TTC33: variants seen among roughly 807,000 people sequenced by gnomAD.
TTC33 encodes the protein tetratricopeptide repeat protein 33.
A neutral mutation model predicts 29.4 loss-of-function variants in TTC33; 24 were observed. That is an observed-to-expected ratio of 0.82 (90% CI 0.59 to 1.15). The LOEUF is 1.15. Ranked by LOEUF, TTC33 falls within the 50% of genes most tolerant of loss-of-function variation. The pLI, the probability that TTC33 is intolerant of heterozygous loss-of-function variation, is 0.00. For synonymous variants in TTC33, 107 were observed against 100.3 expected (o/e 1.07, Z -0.40); for missense variants, 286 against 310.4 (o/e 0.92, Z 0.59).
intron 1 of TTC33, among the ~76,000 whole-genome samples, chr5:40,751,545 T>C (rs1261867311): frequency 6.6e-6 from 1 of 152,228 alleles, no homozygotes; most frequent in Middle Eastern, 3.2e-3. Context: ...CCCAGCTACA[T>C]TAGCCCTCAC....
intron 3 of TTC33, 120 bp from the exon 4 acceptor site, chr5:40,728,596 A>G (rs1742352255): frequency 1.1e-6 from 1 of 912,230 alleles, no homozygotes; most frequent in African/African-American, 1.7e-5. Flanking sequence ...CATTTCGGTG[A>G]TTTTTACCCC....
rs941173256 is a variant in TTC33 at position 40,715,421 on chromosome 5, T to C, written c.*724A>G. On this transcript the variant is annotated 3_prime_UTR_variant, in exon 5 of 5. Transcript: ENST00000337702. ...TATTTTAAAAATGACTCATTTGTGGTAAGGATTACTTACTGTAACAATTAA... is the reference window on the plus strand; with the variant it reads ...TATTTTAAAAATGACTCATTTGTGGCAAGGATTACTTACTGTAACAATTAA... 3 of 152,284 alleles carry C rather than the reference T, an allele frequency of 2.0e-5. No individual in the cohort carries two copies. The highest frequency in any genetic ancestry group is 4.4e-5 in the Non-Finnish European group (3 of 67,978). The allele number at this position is 152,284 out of a possible 1,614,324, so 9.4% of individuals were successfully genotyped here.
chr5:40,755,211 G>A (rs948755218), intron 1 of TTC33, among the ~76,000 whole-genome samples: 3 of 152,184 alleles, frequency 2.0e-5, no homozygotes, highest in Non-Finnish European at 4.4e-5. Context: ...CCGCCAGAGA[G>A]GGCTTGTCTT....
chr5:40,744,866 T>C (rs954237123), intron 2 of TTC33, among the ~76,000 whole-genome samples: 1 of 152,212 alleles, frequency 6.6e-6, no homozygotes, highest in African/African-American at 2.4e-5. Context: ...ACAATGTCTT[T>C]CTAATGGCTG....
intron 4 of TTC33, among the ~76,000 whole-genome samples, chr5:40,725,260 T>G (rs1742254742): frequency 6.6e-6 from 1 of 152,002 alleles, no homozygotes; most frequent in Non-Finnish European, 1.5e-5. Context: ...GTGCTGAGAT[T>G]ATACGCGTGA....
In TTC33 at chr5:40,712,968, C is replaced by A. The variant is rs1022742925; in HGVS notation, c.*3177G>T. Among the ~76,000 whole-genome samples the A allele has an allele frequency of 1.3e-5, 2 of 152,070 alleles. No homozygotes were observed. Among genetic ancestry groups the A allele is most frequent in the Admixed American group, 6.6e-5 (1 of 15,242 alleles). ...AGGTAAATGACTTTAGGGATAACCT[C>A]CTTTATTTCATTTTATTTCTGTTTT... On this transcript the variant is annotated 3_prime_UTR_variant, in exon 5 of 5. Coordinates refer to ENST00000337702, the MANE Select transcript of TTC33 (RefSeq NM_012382.3).
At chr5:40,738,494 CAATACAATACAATAA>C (rs1561151161) in intron 2 of TTC33, among the ~76,000 whole-genome samples, 8 of 87,750 alleles carry the variant, frequency 9.1e-5, no homozygotes, top group African/African-American at 1.9e-4. Context: ...CAATACAATA[CAATACAATACAATAA>C]AATACAATAA....
intron 2 of TTC33, among the ~76,000 whole-genome samples, chr5:40,738,263 T>C (rs1742598244): frequency 6.6e-6 from 1 of 151,474 alleles, no homozygotes; most frequent in African/African-American, 2.4e-5. Flanking sequence ...AATTCAAAAA[T>C]TAGCCAGGCA....
At position 40,716,402 on chromosome 5, in the gene TTC33, G is replaced by C. The variant is rs776913276; in HGVS notation, c.532C>G (p.Gln178Glu). 6.8e-6 allele frequency: 11 copies of C among 1,613,798 alleles called. No individual in the cohort carries two copies. Among genetic ancestry groups the C allele is most frequent in the African/African-American group, 1.3e-5 (1 of 74,910 alleles). ...TTTTTAATCCTCTGTGCTACCTTCTGCTGCTCCTGGAGCGTTCTTGCCCAA... is the reference window on the plus strand; with the variant it reads ...TTTTTAATCCTCTGTGCTACCTTCTCCTGCTCCTGGAGCGTTCTTGCCCAA... The part of the protein sequence containing the change: ...LSWARTLQEQ[Q>E]KVAQRIKKSE... Residue 178 changes from glutamine (Q) to glutamate (E), a missense_variant, in exon 5 of 5, where the codon CAG becomes GAG. Physicochemically the swap from Gln to Glu is conservative, Grantham distance 29 (BLOSUM62 2). Coordinates refer to ENST00000337702, the MANE Select transcript of TTC33 (RefSeq NM_012382.3).
At chr5:40,737,531 A>G (rs895278393) in intron 2 of TTC33, among the ~76,000 whole-genome samples, 4 of 152,238 alleles carry the variant, frequency 2.6e-5, no homozygotes, top group African/African-American at 9.6e-5. Flanking sequence ...ACGAATATAG[A>G]ATTATTTTAC....
At chr5:40,739,898 T>C (rs904714022) in intron 2 of TTC33, among the ~76,000 whole-genome samples, 1 of 152,176 alleles carries the variant, frequency 6.6e-6, no homozygotes, top group Non-Finnish European at 1.5e-5. Context: ...ATTTTTTTCC[T>C]AACAATTTTA....
At chr5:40,743,310 G>A (rs1034070426) in intron 2 of TTC33, among the ~76,000 whole-genome samples, 1 of 152,144 alleles carries the variant, frequency 6.6e-6, no homozygotes, top group Non-Finnish European at 1.5e-5. Context: ...GCACAAAGTT[G>A]TATAATAACT....
chr5:40,718,729 T>C (rs1742061336), intron 4 of TTC33, among the ~76,000 whole-genome samples: 1 of 150,974 alleles, frequency 6.6e-6, no homozygotes, highest in Non-Finnish European at 1.5e-5. Context: ...CAGAGCAAGA[T>C]TCCGTCTCGA....
At chr5:40,731,077 C>A (rs1251661963) in intron 2 of TTC33, among the ~76,000 whole-genome samples, 1 of 152,068 alleles carries the variant, frequency 6.6e-6, no homozygotes, top group Non-Finnish European at 1.5e-5. Context: ...AACAATATTT[C>A]CAAATGTTAT....
At chr5:40,720,724 A>T (rs1742111160) in intron 4 of TTC33, among the ~76,000 whole-genome samples, 1 of 152,160 alleles carries the variant, frequency 6.6e-6, no homozygotes, top group South Asian at 2.1e-4. Context: ...AGGCTCCTGC[A>T]CCCTGGATGA....
rs1424442815 is a variant in TTC33, at chr5:40,714,893, T to A, written c.*1252A>T. On this transcript the variant is annotated 3_prime_UTR_variant, in exon 5 of 5. Transcript: ENST00000337702. Reference sequence around the variant, plus strand: ...TAAAATTAATACACCAATAGTATCTTCCTGAGTGTCAGAAGTAACAGAACC... The same window carrying A: ...TAAAATTAATACACCAATAGTATCTACCTGAGTGTCAGAAGTAACAGAACC... 2.0e-5 allele frequency: 3 copies of A among 152,206 alleles called. No individual in the cohort carries two copies. The highest frequency in any genetic ancestry group is 4.4e-5 in the Non-Finnish European group (3 of 67,940). 9.4% of individuals were successfully genotyped at this position (152,206 alleles called of 1,614,324 possible).
At chr5:40,721,263 C>T (rs994773249) in intron 4 of TTC33, among the ~76,000 whole-genome samples, 1 of 152,098 alleles carries the variant, frequency 6.6e-6, no homozygotes, top group Non-Finnish European at 1.5e-5. Context: ...TTGCTATCAC[C>T]CCTTCCCTGA....
Position 40,713,429 on chromosome 5 carries a change from C to A in TTC33, c.*2716G>T, listed in dbSNP as rs1252054699. On this transcript the variant is annotated 3_prime_UTR_variant, in exon 5 of 5. Transcript: ENST00000337702. ...CTTTTAAAAAATCTTTATAGTTTTA[C>A]CATACGGCATCAATTCAAAAGATTG... Among the ~76,000 whole-genome samples the A allele has an allele frequency of 2.6e-5, 4 of 152,132 alleles. No individual in the cohort carries two copies. Among genetic ancestry groups the A allele is most frequent in the Non-Finnish European group, 5.9e-5 (4 of 68,004 alleles).
intron 2 of TTC33, among the ~76,000 whole-genome samples, chr5:40,731,319 C>T (rs1292783544): frequency 1.3e-5 from 2 of 152,130 alleles, no homozygotes; most frequent in African/African-American, 4.8e-5. Context: ...TTTTTATAGT[C>T]CCTACCCACA....
Sources: allele counts gnomAD v4.1 joint callset (sites outside exome capture counted in the v4.1 genomes callset), GRCh38; gene constraint gnomAD v4.1.1; transcripts MANE v1.5; gene names NCBI Gene and HGNC (gene_info 2026-07-23, HGNC 2026-07-21).